Variants in HOXB6 observed in about 807,000 individuals in gnomAD.
HOXB6 encodes homeobox protein Hox-B6.
HOXB6 carries 18 observed loss-of-function variants against 24.2 expected under a neutral mutation model. That is an observed-to-expected ratio of 0.74 (90% CI 0.51 to 1.10). HOXB6 has a LOEUF of 1.10. HOXB6 is among the 50% of genes least tolerant of loss of function. The pLI, the probability that HOXB6 is intolerant of heterozygous loss-of-function variation, is 0.00. For missense variants in HOXB6, 332 were observed against 308.3 expected (o/e 1.08, Z -0.58); for synonymous variants, 159 against 139.1 (o/e 1.14, Z -1.01).
At chr17:48,602,231 C>G (rs774263083) in intron 2 of HOXB6, 5 of 456,134 alleles carry the variant, frequency 1.1e-5, no homozygotes, top group South Asian at 6.2e-5. Context: ...AACACAGACC[C>G]GGTTTGTCTT....
Position 48,598,159 on chromosome 17 carries a change from G to A in HOXB6, c.-9C>T. 6.4e-7 allele frequency: 1 copy of A among 1,568,036 alleles called. No homozygotes were observed. Among genetic ancestry groups the A allele is most frequent in the Non-Finnish European group, 8.7e-7 (1 of 1,153,612 alleles). On this transcript the variant is annotated 5_prime_UTR_variant, in exon 3 of 4. Coordinates refer to ENST00000225648, the MANE Select transcript of HOXB6 (RefSeq NM_018952.5). Reference sequence around the variant, plus strand: ...ACGAAATAGGAACTCATTGGGAGGGGAGGCGCGCGCGGCCGCTGCTGCTCC... The same window carrying A: ...ACGAAATAGGAACTCATTGGGAGGGAAGGCGCGCGCGGCCGCTGCTGCTCC...
chr17:48,596,237 C>T lies in HOXB6; in HGVS notation c.*176G>A. ...GCTCGAGTAGTGAGGCCTCAGAGCA[C>T]CCGCCGGGAGCTGTGCGGGCGGGGG... On this transcript the variant is annotated 3_prime_UTR_variant, in exon 4 of 4. Coordinates refer to ENST00000225648, the MANE Select transcript of HOXB6 (RefSeq NM_018952.5). This position sits in a 1 kb window ranked among gnomAD's most constrained non-coding sequence, Gnocchi z 4.8. The T allele has an allele frequency of 1.0e-6, 1 of 983,912 alleles. No individual in the cohort carries two copies. The highest frequency in any genetic ancestry group is 1.6e-6 in the Non-Finnish European group (1 of 626,736). The allele number at this position is 983,912 out of a possible 1,614,324, so 60.9% of individuals were successfully genotyped here.
chr17:48,598,383 A>G, intron 2 of HOXB6, 155 bp from the exon 3 acceptor site: 1 of 487,888 alleles, frequency 2.0e-6, no homozygotes, highest in East Asian at 3.2e-5. Flanking sequence ...AGCCCGCACG[A>G]GGGACCCGCG....
At chr17:48,599,010 C>T (rs906081135) in intron 2 of HOXB6, among the ~76,000 whole-genome samples, 60 of 152,234 alleles carry the variant, frequency 3.9e-4, no homozygotes, top group African/African-American at 1.3e-3. Context: ...TCTTGGAAGG[C>T]GGCGACGAGG....
chr17:48,602,444 C>G, intron 2 of HOXB6: 1 of 346,256 alleles, frequency 2.9e-6, no homozygotes, highest in Non-Finnish European at 5.7e-6. Context: ...GATTCAGGGC[C>G]CCTGCCCGCT....
Position 48,596,071 on chromosome 17 carries a change from A to C in HOXB6, c.*342T>G. 1 of 506,420 alleles carries C rather than the reference A, an allele frequency of 2.0e-6. No homozygotes were observed. The allele number at this position is 506,420 out of a possible 1,614,324, so 31.4% of individuals were successfully genotyped here. ...AACCGTGCACGGGGGACATGGACAA[A>C]ATGAGACGCGACAGGGACAAGAGCA... On this transcript the variant is annotated 3_prime_UTR_variant, in exon 4 of 4. Transcript: ENST00000225648. This position sits in a 1 kb window ranked among gnomAD's most constrained non-coding sequence, Gnocchi z 4.8.
chr17:48,602,190 G>C (rs1244905208), intron 2 of HOXB6: 1 of 456,096 alleles, frequency 2.2e-6, no homozygotes, highest in Non-Finnish European at 4.4e-6. Flanking sequence ...ACCAACCAAG[G>C]AGCTGGCAAA....
At position 48,597,747 on chromosome 17, in the gene HOXB6, T is replaced by G; in HGVS notation, c.404A>C (p.Asn135Thr). 1 of 1,613,016 alleles carries G rather than the reference T, an allele frequency of 6.2e-7. No homozygotes were observed. Among genetic ancestry groups the G allele is most frequent in the Non-Finnish European group, 8.5e-7 (1 of 1,179,570 alleles). Reference protein sequence around the residue: ...TPVYPWMQRMNSCNSSSFGPS... With the variant: ...TPVYPWMQRMTSCNSSSFGPS... ...GAAGTCTCACTCACTGTTGCACGAA[T>G]TCATCCGCTGCATCCACGGGTAGAC... is the stretch of plus-strand genomic sequence containing the variant. Residue 135 changes from asparagine (N) to threonine (T), a missense_variant, in exon 3 of 4, where the codon AAT becomes ACT. By Grantham distance (65) the Asn-to-Thr change is moderately conservative. Coordinates refer to ENST00000225648, the MANE Select transcript of HOXB6 (RefSeq NM_018952.5).
Position 48,604,864 on chromosome 17 carries a change from C to A in HOXB6, c.-217G>T, listed in dbSNP as rs921980580. ...CGCTCTCTCTCTTTTCTCCTCACCCCCCTCTCTCGTCCTCTCTCTCTTTTG... is the reference window on the plus strand; with the variant it reads ...CGCTCTCTCTCTTTTCTCCTCACCCACCTCTCTCGTCCTCTCTCTCTTTTG... On this transcript the variant is annotated splice_region_variant and 5_prime_UTR_variant, in exon 1 of 4. Coordinates refer to ENST00000225648, the MANE Select transcript of HOXB6 (RefSeq NM_018952.5). 1 of 152,340 alleles carries A rather than the reference C, an allele frequency of 6.6e-6. No homozygotes were observed. The highest frequency in any genetic ancestry group is 2.4e-5 in the African/African-American group (1 of 41,364). 9.4% of individuals were successfully genotyped at this position (152,340 alleles called of 1,614,324 possible).
In HOXB6 at chr17:48,596,617, C is replaced by T; in HGVS notation, c.471G>A (p.Gln157=). Residue 157 remains glutamine, a synonymous_variant, in exon 4 of 4, where the codon CAG becomes CAA. Transcript: ENST00000225648. This position sits in a 1 kb window ranked among gnomAD's most constrained non-coding sequence, Gnocchi z 4.8. The part of the protein sequence containing the change: ...RRGRQTYTRY[Q]TLELEKEFHY... The stretch of plus-strand genomic sequence containing the variant: ...GAAACTCCTTCTCCAGCTCCAGCGT[C>T]TGGTAACGTGTGTATGTCTGGCGGC... 6.2e-7 allele frequency: 1 copy of T among 1,614,182 alleles called. No individual in the cohort carries two copies. The highest frequency in any genetic ancestry group is 8.5e-7 in the Non-Finnish European group (1 of 1,180,054).
intron 2 of HOXB6, 64 bp from the exon 3 acceptor site, chr17:48,598,292 C>T (rs2144962352): frequency 1.2e-6 from 1 of 821,652 alleles, no homozygotes; most frequent in East Asian, 2.7e-5. Flanking sequence ...CCAGTGAGGG[C>T]CAGAAGGAAA....
In HOXB6 at chr17:48,596,886, G is replaced by A. The variant is rs1339824296; in HGVS notation, c.416-214C>T. 1.6e-6 allele frequency: 2 copies of A among 1,255,292 alleles called. No individual in the cohort carries two copies. The highest frequency in any genetic ancestry group is 2.8e-5 in the Admixed American group (1 of 35,542). The allele number at this position is 1,255,292 out of a possible 1,614,324, so 77.8% of individuals were successfully genotyped here. A position where few individuals can be genotyped will look rare whatever the true frequency, so the allele number is the denominator to read the frequency against. On this transcript the variant is annotated intron_variant, in intron 3 of 3. Coordinates refer to ENST00000225648, the MANE Select transcript of HOXB6 (RefSeq NM_018952.5). The surrounding 1 kb of genome is among the most constrained non-coding windows in gnomAD (Gnocchi z 4.8). ...CTGTCTAGACTCTAGATGGGGGAGG[G>A]GAGGAGCAGTTTGAACTCCCACCTG...
rs1045046117 is a variant in HOXB6, at chr17:48,596,058, G to A, written c.*355C>T. On this transcript the variant is annotated 3_prime_UTR_variant, in exon 4 of 4. Transcript: ENST00000225648. The surrounding 1 kb of genome is among the most constrained non-coding windows in gnomAD (Gnocchi z 4.8). ...GAATCTACCATTGAACCGTGCACGG[G>A]GGACATGGACAAAATGAGACGCGAC... 4.1e-6 allele frequency: 2 copies of A among 490,632 alleles called. No homozygotes were observed. The highest frequency in any genetic ancestry group is 1.9e-5 in the African/African-American group (1 of 51,490). The allele number at this position is 490,632 out of a possible 1,614,324, so 30.4% of individuals were successfully genotyped here.
chr17:48,597,945 G>A lies in HOXB6; in HGVS notation c.206C>T (p.Ala69Val). 6.4e-7 allele frequency: 1 copy of A among 1,571,912 alleles called. No homozygotes were observed. Among genetic ancestry groups the A allele is most frequent in the Admixed American group, 1.9e-5 (1 of 53,882 alleles). Residue 69 changes from alanine to valine, a missense_variant, in exon 3 of 4, where the codon GCG becomes GTG. By Grantham distance (64) the Ala-to-Val change is moderately conservative. Transcript: ENST00000225648. ...YPPAGGGYGR[A>V]APCDYGPAPA... ...CGCCGGCCCGTAGTCGCAGGGCGCC[G>A]CTCGGCCGTAGCCACCGCCCGCCGG...
At chr17:48,600,574 CGTTT>C (rs954195179) in intron 2 of HOXB6, 21 of 454,054 alleles carry the variant, frequency 4.6e-5, no homozygotes, top group African/African-American at 3.0e-4. Context: ...TCGTCTGATC[CGTTT>C]GTTTGGGAAA....
chr17:48,596,265 TCCAGGAGAGCGCTGGGC>T lies in HOXB6; in HGVS notation c.*131_*147del. On this transcript the variant is annotated 3_prime_UTR_variant, in exon 4 of 4. Transcript: ENST00000225648. This position sits in a 1 kb window ranked among gnomAD's most constrained non-coding sequence, Gnocchi z 4.8. ...GCCGGGAGCTGTGCGGGCGGGGGCG[TCCAGGAGAGCGCTGGGC>T]CCCGCCTGTCTGCGCCGGAGAGCAG... is the stretch of plus-strand genomic sequence containing the variant. 7.9e-7 allele frequency: 1 copy of T among 1,272,794 alleles called. No individual in the cohort carries two copies. The highest frequency in any genetic ancestry group is 2.3e-5 in the East Asian group (1 of 43,232). The allele number at this position is 1,272,794 out of a possible 1,614,324, so 78.8% of individuals were successfully genotyped here. A position where few individuals can be genotyped will look rare whatever the true frequency, so the allele number is the denominator to read the frequency against.
At chr17:48,597,230 C>T (rs2070325131) in intron 3 of HOXB6, 1 of 297,202 alleles carries the variant, frequency 3.4e-6, no homozygotes, top group Non-Finnish European at 5.5e-6. Context: ...CCTCTGACTA[C>T]CACCCCTTTC....
At chr17:48,600,197 A>G (rs977575940) in intron 2 of HOXB6, among the ~76,000 whole-genome samples, 1 of 151,942 alleles carries the variant, frequency 6.6e-6, no homozygotes, top group African/African-American at 2.4e-5. Flanking sequence ...GAACAGGGGG[A>G]GAAAAGTGGG....
intron 1 of HOXB6, 123 bp from the exon 2 acceptor site, chr17:48,604,738 T>G (rs2070543459): frequency 6.6e-6 from 1 of 152,262 alleles, no homozygotes; most frequent in Admixed American, 6.5e-5. Flanking sequence ...CCATGGTGAC[T>G]AAAATCCCAG....
Sources: allele counts gnomAD v4.1 joint callset (sites outside exome capture counted in the v4.1 genomes callset), GRCh38; gene constraint gnomAD v4.1.1; non-coding constraint Gnocchi (gnomAD v3.1); transcripts MANE v1.5; gene names NCBI Gene and HGNC (gene_info 2026-07-23, HGNC 2026-07-21).